The following SNX4 variants were observed in gnomAD, a reference collection of about 807,000 sequenced individuals.
SNX4 encodes sorting nexin-4.
In SNX4, 49 loss-of-function variants were observed where a neutral mutation model predicts 70.8. The observed-to-expected ratio is 0.69, with a 90% CI of 0.55 to 0.88. The LOEUF is 0.88. SNX4 is among the 40% of genes least tolerant of loss of function. SNX4 has a pLI of 0.00. For synonymous variants in SNX4, 206 were observed against 183.8 expected (o/e 1.12, Z -0.98); for missense variants, 528 against 544.8 (o/e 0.97, Z 0.31).
chr3:125,460,808 G>T lies in SNX4; in HGVS notation c.907C>A (p.Gln303Lys). 1 of 1,566,100 alleles carries T rather than the reference G, an allele frequency of 6.4e-7. No homozygotes were observed. The highest frequency in any genetic ancestry group is 2.3e-5 in the East Asian group (1 of 43,652). The change falls in exon 10 of 14, where the codon CAG (glutamine) becomes AAG (lysine). Residue 303 changes from glutamine (Q) to lysine (K), a missense_variant. By Grantham distance (53) the Gln-to-Lys change is moderately conservative (BLOSUM62 1). Transcript: ENST00000251775. Reference sequence around the variant, plus strand: ...GCATAAAAAAGATACTCTTTTAACTGATCTGCATAATGTTCTTCATCTTCC... The same window carrying T: ...GCATAAAAAAGATACTCTTTTAACTTATCTGCATAATGTTCTTCATCTTCC... ...ILEDEEHYAD[Q>K]LKEYLFYAEA...
chr3:125,493,802 C>A (rs1333687639), intron 5 of SNX4, among the ~76,000 whole-genome samples: 1 of 151,770 alleles, frequency 6.6e-6, no homozygotes, highest in Admixed American at 6.6e-5. Context: ...GAGGCTGAGG[C>A]GGGCAGATCA....
At chr3:125,468,381 T>C (rs1934083261) in intron 9 of SNX4, among the ~76,000 whole-genome samples, 1 of 152,024 alleles carries the variant, frequency 6.6e-6, no homozygotes, top group African/African-American at 2.4e-5. Flanking sequence ...CCTGAACCTA[T>C]AATAGAAGTT....
At chr3:125,500,926 C>T (rs922942831) in intron 2 of SNX4, among the ~76,000 whole-genome samples, 1 of 146,934 alleles carries the variant, frequency 6.8e-6, no homozygotes, top group South Asian at 2.1e-4. Context: ...AAAACCCTCT[C>T]GACAATTGGA....
intron 11 of SNX4, 43 bp downstream of exon 11, chr3:125,457,223 G>T: frequency 2.2e-6 from 3 of 1,343,180 alleles, no homozygotes; most frequent in Non-Finnish European, 3.2e-6. Flanking sequence ...GGAACATTCC[G>T]TGTTGCTACA....
chr3:125,460,362 A>G (rs183424396), intron 10 of SNX4, among the ~76,000 whole-genome samples: 16 of 152,358 alleles, frequency 1.1e-4, no homozygotes, highest in Admixed American at 9.8e-4. Context: ...AAAAGATAAC[A>G]TAAGAACAGA....
At chr3:125,514,171 G>A (rs1328031254) in intron 1 of SNX4, among the ~76,000 whole-genome samples, 3 of 152,010 alleles carry the variant, frequency 2.0e-5, no homozygotes, top group Admixed American at 2.0e-4. Flanking sequence ...TGGGGAGACA[G>A]AAACATTCAA....
intron 5 of SNX4, among the ~76,000 whole-genome samples, chr3:125,493,575 G>T (rs1380763585): frequency 6.7e-6 from 1 of 149,266 alleles, no homozygotes; most frequent in African/African-American, 2.5e-5. Context: ...AATGGCTTGA[G>T]CTGGGGAGGT....
At chr3:125,460,888 C>A (rs375681454) in intron 9 of SNX4, 28 bp from the exon 10 acceptor site, 5 of 1,073,350 alleles carry the variant, frequency 4.7e-6, no homozygotes, top group Admixed American at 2.4e-5. Flanking sequence ...ACACACATTG[C>A]ATAGAGTTAC....
intron 8 of SNX4, among the ~76,000 whole-genome samples, chr3:125,472,848 C>T (rs557236987): frequency 7.9e-5 from 12 of 152,170 alleles, no homozygotes; most frequent in Non-Finnish European, 1.3e-4. Flanking sequence ...TTCTACAACT[C>T]ACCTCTCCCC....
intron 1 of SNX4, among the ~76,000 whole-genome samples, chr3:125,515,791 T>A (rs915516437): frequency 1.3e-5 from 2 of 151,990 alleles, no homozygotes; most frequent in Admixed American, 1.3e-4. Context: ...CTCACTCTTG[T>A]AATCCTGGTG....
At chr3:125,480,356 T>A (rs759085712) in intron 6 of SNX4, 37 bp from the exon 7 acceptor site, 1 of 1,364,584 alleles carries the variant, frequency 7.3e-7, no homozygotes, top group South Asian at 1.6e-5. Context: ...GTTTTTCAAA[T>A]GAAAACAAGC....
intron 9 of SNX4, among the ~76,000 whole-genome samples, chr3:125,463,854 A>G (rs1455114371): frequency 6.6e-6 from 1 of 152,146 alleles, no homozygotes; most frequent in Non-Finnish European, 1.5e-5. Flanking sequence ...TTTCTATACT[A>G]TGGTTAGAAA....
At chr3:125,500,799 CAAAAAAAAAAAAAA>C (rs770336677) in intron 2 of SNX4, among the ~76,000 whole-genome samples, 5 of 29,316 alleles carry the variant, frequency 1.7e-4, no homozygotes, top group Admixed American at 6.4e-4. Flanking sequence ...GACTCCGTCT[CAAAAAAAAAAAAAA>C]AAAAAAAAAA....
chr3:125,458,538 TG>T (rs1340406441), intron 10 of SNX4, among the ~76,000 whole-genome samples: 1 of 152,016 alleles, frequency 6.6e-6, no homozygotes, highest in Non-Finnish European at 1.5e-5. Context: ...AAGATTCGGA[TG>T]GGCGCGGTGG....
intron 5 of SNX4, among the ~76,000 whole-genome samples, chr3:125,493,676 A>G (rs1444841019): frequency 6.6e-6 from 1 of 151,588 alleles, no homozygotes; most frequent in Non-Finnish European, 1.5e-5. Context: ...AAGAAAGAAA[A>G]AAAGAAACTA....
At chr3:125,448,274 G>A (rs892891879) in intron 13 of SNX4, among the ~76,000 whole-genome samples, 1 of 150,736 alleles carries the variant, frequency 6.6e-6, no homozygotes, top group Non-Finnish European at 1.5e-5. Context: ...ACAAGTGCAC[G>A]CCACCACACC....
chr3:125,509,101 G>A (rs1935110122), intron 1 of SNX4, among the ~76,000 whole-genome samples: 1 of 151,906 alleles, frequency 6.6e-6, no homozygotes, highest in Non-Finnish European at 1.5e-5. Flanking sequence ...GGGAGGCAGA[G>A]GCAGGAGGAT....
intron 9 of SNX4, among the ~76,000 whole-genome samples, chr3:125,468,342 A>G (rs1197728000): frequency 6.6e-6 from 1 of 152,204 alleles, no homozygotes; most frequent in African/African-American, 2.4e-5. Flanking sequence ...TCCCCATGTC[A>G]GGCAATTTAC....
intron 7 of SNX4, among the ~76,000 whole-genome samples, chr3:125,479,785 G>T (rs1934367468): frequency 6.6e-6 from 1 of 152,022 alleles, no homozygotes. Flanking sequence ...GAACTATATG[G>T]TTAAGTATAA....
Sources: gnomAD v4.1 joint callset for allele counts (sites outside exome capture counted in the v4.1 genomes callset) on GRCh38, gnomAD v4.1.1 for gene constraint, MANE v1.5 for transcripts, NCBI Gene and HGNC (gene_info 2026-07-23, HGNC 2026-07-21) for gene names.